The following PAH variants were observed in gnomAD, a reference collection of about 807,000 sequenced individuals.
PAH encodes phenylalanine hydroxylase.
A neutral mutation model predicts 62.0 loss-of-function variants in PAH; 64 were observed. The ratio of observed to expected loss-of-function variants is 1.03; its 90% CI spans 0.84 to 1.27. The LOEUF is 1.27. PAH is among the 50% of genes most tolerant of loss of function. PAH has a pLI of 0.00. For synonymous variants in PAH, 195 were observed against 196.2 expected (o/e 0.99, Z 0.05); for missense variants, 579 against 542.8 (o/e 1.07, Z -0.66).
chr12:102,861,284 C>A (rs887868228), intron 5 of PAH, among the ~76,000 whole-genome samples: 10 of 152,152 alleles, frequency 6.6e-5, no homozygotes, highest in Admixed American at 4.6e-4. Context: ...CAGTGAGATA[C>A]CATCTCACAC....
In PAH at chr12:102,903,189, C is replaced by T. The variant is rs190825091; in HGVS notation, c.169-8271G>A. 2.9e-3 allele frequency among the ~76,000 whole-genome samples: 445 copies of T among 152,124 alleles called. 12 individuals are homozygous for T. The highest frequency in any genetic ancestry group is 0.027 in the Admixed American group (416 of 15,278). ...CAGCCTGGCCAACATAGTGAAACCC[C>T]GTCTCAACTAAAAATACAAAAATTA... On this transcript the variant is annotated intron_variant, in intron 2 of 12. Coordinates refer to ENST00000553106, the MANE Select transcript of PAH (RefSeq NM_000277.3).
At chr12:102,899,500 C>T (rs1877647764) in intron 2 of PAH, among the ~76,000 whole-genome samples, 1 of 152,064 alleles carries the variant, frequency 6.6e-6, no homozygotes, top group Admixed American at 6.6e-5. Context: ...ACTAAACTCC[C>T]ATAATAGAGG....
chr12:102,844,195 G>C (rs1874725514), intron 10 of PAH, 141 bp downstream of exon 10: 12 of 700,498 alleles, frequency 1.7e-5, no homozygotes, highest in Non-Finnish European at 3.1e-5. Flanking sequence ...TAGCTGCTAA[G>C]GTACCAATCA....
upstream of PAH, chr12:102,917,492 CA>C: frequency 5.7e-6 from 2 of 348,504 alleles, no homozygotes; most frequent in South Asian, 5.1e-5. Context: ...CAGGTTTAGG[CA>C]CTTCCGGGAC....
At chr12:102,905,327 C>G (rs1478672844) in intron 2 of PAH, among the ~76,000 whole-genome samples, 1 of 152,118 alleles carries the variant, frequency 6.6e-6, no homozygotes, top group African/African-American at 2.4e-5. Context: ...CCTGATTCAC[C>G]CCCTTGTAAG....
At chr12:102,885,774 C>A (rs1877015756) in intron 3 of PAH, among the ~76,000 whole-genome samples, 1 of 152,188 alleles carries the variant, frequency 6.6e-6, no homozygotes, top group South Asian at 2.1e-4. Flanking sequence ...TGAGTCCAAT[C>A]TTAGCCCCTC....
intron 4 of PAH, among the ~76,000 whole-genome samples, chr12:102,867,778 GT>G (rs1447541391): frequency 6.7e-6 from 1 of 148,754 alleles, no homozygotes; most frequent in Non-Finnish European, 1.5e-5. Flanking sequence ...TGCTTGATTG[GT>G]TGAATTTTTG....
chr12:102,863,839 G>A (rs960462225), intron 5 of PAH, among the ~76,000 whole-genome samples: 1 of 151,988 alleles, frequency 6.6e-6, no homozygotes, highest in Non-Finnish European at 1.5e-5. Flanking sequence ...AAAAATATAA[G>A]CTCCTATGAT....
chr12:102,861,085 T>C (rs1462740382), intron 5 of PAH, among the ~76,000 whole-genome samples: 1 of 152,076 alleles, frequency 6.6e-6, no homozygotes, highest in African/African-American at 2.4e-5. Context: ...AATCTACTCA[T>C]CTGACAAAGG....
chr12:102,950,440 C>A (rs1369990793), intron 1 of PAH: 1 of 152,288 alleles, frequency 6.6e-6, no homozygotes, highest in Non-Finnish European at 1.5e-5. Flanking sequence ...AGGTTTGCCA[C>A]GGTGGTGGAG....
At chr12:102,946,201 C>G (rs1280640083) in intron 1 of PAH, among the ~76,000 whole-genome samples, 2 of 152,216 alleles carry the variant, frequency 1.3e-5, no homozygotes, top group Non-Finnish European at 2.9e-5. Context: ...TCTCCTGGAG[C>G]TGTGAGCTGT....
intron 3 of PAH, chr12:102,886,354 A>C (rs1252754796): frequency 6.6e-6 from 1 of 152,230 alleles, no homozygotes; most frequent in Non-Finnish European, 1.5e-5. Flanking sequence ...GTGAATAGAT[A>C]TGAGTGGAAT....
intron 1 of PAH, among the ~76,000 whole-genome samples, chr12:102,949,821 A>G (rs1879668948): frequency 6.6e-6 from 1 of 152,096 alleles, no homozygotes; most frequent in African/African-American, 2.4e-5. Flanking sequence ...ATGGGGAAGA[A>G]GATTCTCCAT....
chr12:102,929,036 G>A (rs1209109166), intron 1 of PAH, among the ~76,000 whole-genome samples: 1 of 152,064 alleles, frequency 6.6e-6, no homozygotes. Flanking sequence ...GATATCTGAT[G>A]GTTTTATAAA....
intron 1 of PAH, chr12:102,923,425 T>C (rs1878605815): frequency 6.6e-6 from 1 of 152,306 alleles, no homozygotes. Context: ...CCCTTATGCC[T>C]GAACAAACTT....
intron 4 of PAH, among the ~76,000 whole-genome samples, chr12:102,869,118 C>T (rs779537144): frequency 6.6e-5 from 10 of 152,152 alleles, no homozygotes; most frequent in Non-Finnish European, 1.3e-4. Flanking sequence ...AAGAGAATTC[C>T]TTCAATCCGT....
At chr12:102,925,563 T>G (rs2136742656) in intron 1 of PAH, among the ~76,000 whole-genome samples, 1 of 152,312 alleles carries the variant, frequency 6.6e-6, no homozygotes, top group African/African-American at 2.4e-5. Flanking sequence ...AACTGTTCTT[T>G]CTTCATCAGA....
chr12:102,905,553 G>GT (rs200323646), intron 2 of PAH, among the ~76,000 whole-genome samples: 1,945 of 152,184 alleles, frequency 0.013, 46 homozygotes, highest in African/African-American at 0.045. Context: ...AAGGCCGGAG[G>GT]TTTTAGCATA....
In PAH at chr12:102,936,703, C is replaced by T. The variant is rs573242755; in HGVS notation, c.-96+13886G>A. Among the ~76,000 whole-genome samples, 4 of 152,290 alleles carry T rather than the reference C, an allele frequency of 2.6e-5. 1 individual carries two copies. The South Asian group carries it at 8.3e-4, about 32-fold the overall frequency. On this transcript the variant is annotated intron_variant, in intron 1 of 3. Coordinates refer to the PAH transcript ENST00000546844. ...TTGTCTAAATGTAGCTACTCCTTCT[C>T]TTTTTCGGTTTCCATTGGCATGAAG...
Sources: allele counts gnomAD v4.1 joint callset (sites outside exome capture counted in the v4.1 genomes callset), GRCh38; gene constraint gnomAD v4.1.1; transcripts MANE v1.5; gene names NCBI Gene and HGNC (gene_info 2026-07-23, HGNC 2026-07-21).